Variants in PARD3B observed in about 807,000 individuals in gnomAD.
The protein encoded by PARD3B is partitioning defective 3 homolog B.
PARD3B carries 103 observed loss-of-function variants against 130.2 expected under a neutral mutation model. That is an observed-to-expected ratio of 0.79 (90% CI 0.67 to 0.93). PARD3B has a LOEUF of 0.93. PARD3B is among the 40% of genes least tolerant of loss of function. The probability of loss-of-function intolerance (pLI) is 0.00; values close to 1 mark genes in which losing one functional copy is unlikely to be tolerated. For synonymous variants in PARD3B, 583 were observed against 553.2 expected (o/e 1.05, Z -0.76); for missense variants, 1,609 against 1,499.2 (o/e 1.07, Z -1.21).
At chr2:204,618,280 C>T (rs930539549) in intron 1 of PARD3B, among the ~76,000 whole-genome samples, 2 of 152,120 alleles carry the variant, frequency 1.3e-5, no homozygotes, top group African/African-American at 4.8e-5. Flanking sequence ...GGAGTGTGTG[C>T]AGTGGAAAGG....
At chr2:205,375,146 G>A (rs2044990291) in intron 18 of PARD3B, among the ~76,000 whole-genome samples, 1 of 152,074 alleles carries the variant, frequency 6.6e-6, no homozygotes, top group Non-Finnish European at 1.5e-5. Flanking sequence ...TCAATGTCAA[G>A]TATTACCCTG....
intron 19 of PARD3B, among the ~76,000 whole-genome samples, chr2:205,429,133 A>G (rs1477515541): frequency 6.6e-6 from 1 of 152,246 alleles, no homozygotes; most frequent in Non-Finnish European, 1.5e-5. Flanking sequence ...TTGAATAAAA[A>G]TCCTAAATAT....
At chr2:205,238,768 G>A (rs1366590033) in intron 15 of PARD3B, among the ~76,000 whole-genome samples, 2 of 143,972 alleles carry the variant, frequency 1.4e-5, no homozygotes, top group East Asian at 4.2e-4. Flanking sequence ...GGAGGCAGAG[G>A]TTGCAGTGAG....
intron 18 of PARD3B, among the ~76,000 whole-genome samples, chr2:205,333,833 TC>T (rs1348705403): frequency 6.6e-6 from 1 of 152,160 alleles, no homozygotes; most frequent in Non-Finnish European, 1.5e-5. Flanking sequence ...TGTTTTTTTT[TC>T]CTTGTTATTC....
At chr2:205,052,396 C>T (rs1377188005) in intron 4 of PARD3B, among the ~76,000 whole-genome samples, 1 of 132,276 alleles carries the variant, frequency 7.6e-6, no homozygotes, top group African/African-American at 2.8e-5. Context: ...TTTTCAAAGT[C>T]CATGTGTATT....
intron 21 of PARD3B, among the ~76,000 whole-genome samples, chr2:205,527,131 G>A (rs1482471479): frequency 1.3e-5 from 2 of 152,158 alleles, no homozygotes; most frequent in East Asian, 1.9e-4. Flanking sequence ...TCCCAGGATA[G>A]CATTCATTTC....
chr2:205,576,981 C>T (rs1038586222), intron 22 of PARD3B, among the ~76,000 whole-genome samples: 4 of 152,084 alleles, frequency 2.6e-5, no homozygotes, highest in East Asian at 1.9e-4. Flanking sequence ...ATCAGAATTT[C>T]GTAATTTTCC....
chr2:205,191,075 G>GAAAAAA (rs5837960), intron 14 of PARD3B, among the ~76,000 whole-genome samples: 4 of 97,728 alleles, frequency 4.1e-5, no homozygotes, highest in African/African-American at 1.4e-4. Flanking sequence ...GAAAGAAATA[G>GAAAAAA]AAAAAAAAAA....
chr2:204,723,444 A>G (rs1019032654), intron 2 of PARD3B, among the ~76,000 whole-genome samples: 1 of 152,166 alleles, frequency 6.6e-6, no homozygotes, highest in Non-Finnish European at 1.5e-5. Flanking sequence ...GCCAAAGAAC[A>G]AAAAGTAAGA....
At chr2:204,807,874 T>C (rs1187608973) in intron 2 of PARD3B, among the ~76,000 whole-genome samples, 2 of 151,950 alleles carry the variant, frequency 1.3e-5, no homozygotes, top group Non-Finnish European at 2.9e-5. Flanking sequence ...GGGGATAGAA[T>C]GAGTAAGATC....
At chr2:204,942,847 A>T (rs1263219532) in intron 2 of PARD3B, among the ~76,000 whole-genome samples, 1 of 152,144 alleles carries the variant, frequency 6.6e-6, no homozygotes, top group Non-Finnish European at 1.5e-5. Flanking sequence ...AAAATTAAGA[A>T]ATACTTTTTG....
At chr2:205,054,436 A>ATATTTT (rs1411271901) in intron 4 of PARD3B, among the ~76,000 whole-genome samples, 1 of 28,440 alleles carries the variant, frequency 3.5e-5, no homozygotes, top group Admixed American at 7.1e-4. Flanking sequence ...ATATATATAT[A>ATATTTT]TTTTTTTTTT....
chr2:205,436,029 C>T (rs1052281860), intron 19 of PARD3B, among the ~76,000 whole-genome samples: 2 of 152,158 alleles, frequency 1.3e-5, no homozygotes, highest in Admixed American at 6.5e-5. Flanking sequence ...CCATCAGGTT[C>T]AGTGTCTGGT....
chr2:205,395,246 C>T (rs1474657929), intron 18 of PARD3B, among the ~76,000 whole-genome samples: 1 of 152,162 alleles, frequency 6.6e-6, no homozygotes, highest in Admixed American at 6.5e-5. Flanking sequence ...TCAGATCATG[C>T]CTACATGGCT....
chr2:205,000,814 C>T (rs1262064592), intron 3 of PARD3B, among the ~76,000 whole-genome samples: 1 of 152,104 alleles, frequency 6.6e-6, no homozygotes, highest in Admixed American at 6.6e-5. Flanking sequence ...CACTGAACTT[C>T]TTAAATCTGT....
intron 18 of PARD3B, among the ~76,000 whole-genome samples, chr2:205,314,326 C>A (rs1010604333): frequency 2.0e-5 from 3 of 152,154 alleles, no homozygotes; most frequent in Non-Finnish European, 4.4e-5. Context: ...AGCCTGTGAA[C>A]TGATAGTGAT....
At chr2:204,663,127 A>G (rs548405014) in intron 1 of PARD3B, among the ~76,000 whole-genome samples, 87 of 152,308 alleles carry the variant, frequency 5.7e-4, no homozygotes, top group African/African-American at 1.9e-3. Flanking sequence ...GAACATGTAG[A>G]CATGAGCTTA....
At chr2:205,103,793 A>G (rs1703001196) in intron 4 of PARD3B, 1 of 962,778 alleles carries the variant, frequency 1.0e-6, no homozygotes. Flanking sequence ...CAACTTTTCC[A>G]CTGTCCTGGA....
chr2:204,613,045 A>G lies in PARD3B; in HGVS notation c.120+66926A>G, dbSNP rs142133043. ...GCTGAGTCACACAGGATACTTGTAC[A>G]TGTATTTTTTTTCTCTTTCCCTGGT... is the stretch of plus-strand genomic sequence containing the variant. On this transcript the variant is annotated intron_variant, in intron 1 of 22. Coordinates refer to ENST00000406610, the MANE Select transcript of PARD3B (RefSeq NM_001302769.2). Among the ~76,000 whole-genome samples, 445 of 152,118 alleles carry G rather than the reference A, an allele frequency of 2.9e-3. 3 individuals carry two copies. Among genetic ancestry groups the G allele is most frequent in the African/African-American group, 0.01 (422 of 41,522 alleles).
Sources: gnomAD v4.1 joint callset for allele counts (sites outside exome capture counted in the v4.1 genomes callset) on GRCh38, gnomAD v4.1.1 for gene constraint, MANE v1.5 for transcripts, NCBI Gene and HGNC (gene_info 2026-07-23, HGNC 2026-07-21) for gene names.